Variants in PPARA observed in about 807,000 individuals in gnomAD.
PPARA encodes peroxisome proliferator-activated receptor alpha.
Under a neutral mutation model 42.2 loss-of-function variants are expected in PPARA, and 22 were observed. The ratio of observed to expected loss-of-function variants is 0.52; its 90% CI spans 0.37 to 0.74. PPARA has a LOEUF of 0.74. Among genes scored for constraint, PPARA ranks in the 30% least tolerant of loss-of-function variants. PPARA has a pLI of 0.00. For synonymous variants in PPARA, 242 were observed against 239.3 expected (o/e 1.01, Z -0.10); for missense variants, 465 against 608.2 (o/e 0.76, Z 2.48).
rs1287551449 is a variant in PPARA, at chr22:46,242,010, TA to T, written c.*6631del. On this transcript the variant is annotated 3_prime_UTR_variant, in exon 9 of 9. Transcript: ENST00000407236. The surrounding 1 kb of genome is among the most constrained non-coding windows in gnomAD (Gnocchi z 6.1). ...AGGGGGGTCAGCTTTTATTTTATTT[TA>T]TTTTTTTTAAGTTTGCTAGTTGGGT... 1 of 152,104 alleles carries T rather than the reference TA, an allele frequency of 6.6e-6. No homozygotes were observed. The highest frequency in any genetic ancestry group is 2.4e-5 in the African/African-American group (1 of 41,402). 9.4% of individuals were successfully genotyped at this position (152,104 alleles called of 1,614,324 possible). A position where few individuals can be genotyped will look rare whatever the true frequency, so the allele number is the denominator to read the frequency against.
chr22:46,189,371 A>T (rs915684388), intron 3 of PPARA, among the ~76,000 whole-genome samples: 4 of 152,238 alleles, frequency 2.6e-5, no homozygotes, highest in Admixed American at 2.6e-4. Context: ...ACCTTTGAAG[A>T]TAAAGGTAGG....
Position 46,185,894 on chromosome 22 carries a change from C to CAAAAAAAAAAAA in PPARA, c.-43+9058_-43+9059insAAAAAAAAAAAA, listed in dbSNP as rs1279499029. On this transcript the variant is annotated intron_variant, in intron 3 of 8. Transcript: ENST00000407236. ...TGGGTGACAAAGTGAGACTCCGTCT[C>CAAAAAAAAAAAA]CAAAAAAAAAAAAAAAAAAAAAATA... is the stretch of plus-strand genomic sequence containing the variant. Among the ~76,000 whole-genome samples, 11 of 20,852 alleles carry CAAAAAAAAAAAA rather than the reference C, an allele frequency of 5.3e-4. 2 individuals are homozygous for CAAAAAAAAAAAA. Among genetic ancestry groups the CAAAAAAAAAAAA allele is most frequent in the African/African-American group, 1.6e-3 (6 of 3,674 alleles). The allele number at this position is 20,852 out of a possible 152,430, so 13.7% of individuals were successfully genotyped here.
Position 46,212,164 on chromosome 22 carries a change from C to A in PPARA, c.209-3009C>A, listed in dbSNP as rs1328005849. 6.6e-6 allele frequency among the ~76,000 whole-genome samples: 1 copy of A among 152,122 alleles called. No individual in the cohort carries two copies. Among genetic ancestry groups the A allele is most frequent in the African/African-American group, 2.4e-5 (1 of 41,420 alleles). ...TCAGCCTCCCAGGGCTCAGGTGATC[C>A]TCCCACCTCAGCCTCCCAAGTAGCT... On this transcript the variant is annotated intron_variant, in intron 4 of 8. Transcript: ENST00000407236. The surrounding 1 kb of genome is among the most constrained non-coding windows in gnomAD (Gnocchi z 4.2).
chr22:46,214,513 G>T (rs546514907), intron 4 of PPARA, among the ~76,000 whole-genome samples: 1 of 144,416 alleles, frequency 6.9e-6, no homozygotes, highest in South Asian at 2.3e-4. Flanking sequence ...GAAATGTGCA[G>T]AGCGGAGATG....
Position 46,221,936 on chromosome 22 carries a change from G to A in PPARA, c.711+1922G>A, listed in dbSNP as rs1935039767. On this transcript the variant is annotated intron_variant, in intron 7 of 8. Transcript: ENST00000407236. This position sits in a 1 kb window ranked among gnomAD's most constrained non-coding sequence, Gnocchi z 5.9. ...ATTAAAAATACAAAAAATTAGCTGG[G>A]CATGGTAGCGGTTGCCTGTAATCCC... Among the ~76,000 whole-genome samples the A allele has an allele frequency of 2.0e-5, 3 of 152,032 alleles. No homozygotes were observed. The highest frequency in any genetic ancestry group is 4.4e-5 in the Non-Finnish European group (3 of 68,024).
At chr22:46,197,236 G>A (rs1932368012) in intron 3 of PPARA, among the ~76,000 whole-genome samples, 1 of 151,794 alleles carries the variant, frequency 6.6e-6, no homozygotes, top group Non-Finnish European at 1.5e-5. Flanking sequence ...TTTTAGTAGA[G>A]ATGGGGTTTT....
chr22:46,181,943 A>G (rs1930030888), intron 3 of PPARA, among the ~76,000 whole-genome samples: 1 of 152,258 alleles, frequency 6.6e-6, no homozygotes, highest in South Asian at 2.1e-4. Flanking sequence ...GGATCAAGTG[A>G]TTCTCCTGCC....
chr22:46,182,445 A>G lies in PPARA; in HGVS notation c.-43+5609A>G, dbSNP rs920344056. Among the ~76,000 whole-genome samples, 1 of 152,204 alleles carries G rather than the reference A, an allele frequency of 6.6e-6. No individual in the cohort carries two copies. The highest frequency in any genetic ancestry group is 2.4e-5 in the African/African-American group (1 of 41,450). On this transcript the variant is annotated intron_variant, in intron 3 of 8. Coordinates refer to ENST00000407236, the MANE Select transcript of PPARA (RefSeq NM_005036.6). This position sits in a 1 kb window ranked among gnomAD's most constrained non-coding sequence, Gnocchi z 5.2. ...CTGAAATAATTGTGCTGAGTAAAAG[A>G]AGACAGGAAAAATAAGTATAATACA...
chr22:46,181,051 G>T (rs1367847666), intron 3 of PPARA, among the ~76,000 whole-genome samples: 2 of 151,468 alleles, frequency 1.3e-5, no homozygotes, highest in Non-Finnish European at 2.9e-5. Flanking sequence ...ACAGGGTTTT[G>T]CCATGTTGCC....
intron 4 of PPARA, among the ~76,000 whole-genome samples, chr22:46,199,837 C>G (rs1932769821): frequency 6.6e-6 from 1 of 152,164 alleles, no homozygotes; most frequent in African/African-American, 2.4e-5. Flanking sequence ...GTTCTCCTGC[C>G]TCAGCCTCCC....
In PPARA at chr22:46,161,881, G is replaced by A. The variant is rs1926233041; in HGVS notation, c.-127+9911G>A. On this transcript the variant is annotated intron_variant, in intron 2 of 8. Transcript: ENST00000407236. This position sits in a 1 kb window ranked among gnomAD's most constrained non-coding sequence, Gnocchi z 4.8. ...CCCCTCTGGCTCCACGAGGCCCCCT[G>A]TACGTCACCATCACCTTTGTGAGCT... Among the ~76,000 whole-genome samples, 1 of 152,064 alleles carries A rather than the reference G, an allele frequency of 6.6e-6. No individual in the cohort carries two copies. The highest frequency in any genetic ancestry group is 6.5e-5 in the Admixed American group (1 of 15,268).
In PPARA at chr22:46,231,216, G is replaced by T. The variant is rs535298497; in HGVS notation, c.712-576G>T. Reference sequence around the variant, plus strand: ...GGGTTACAGGCACACACTATGCCTGGCTAATTTTTTTTTTTTTTTTGAGAC... The same window carrying T: ...GGGTTACAGGCACACACTATGCCTGTCTAATTTTTTTTTTTTTTTTGAGAC... On this transcript the variant is annotated intron_variant, in intron 7 of 8. Transcript: ENST00000407236. This position sits in a 1 kb window ranked among gnomAD's most constrained non-coding sequence, Gnocchi z 7.7. Among the ~76,000 whole-genome samples, 28 of 146,478 alleles carry T rather than the reference G, an allele frequency of 1.9e-4. No individual in the cohort carries two copies. In the East Asian group the frequency reaches 4.9e-3, roughly 26 times the overall value.
At position 46,233,183 on chromosome 22, in the gene PPARA, T is replaced by C. The variant is rs565463759; in HGVS notation, c.1159+944T>C. Among the ~76,000 whole-genome samples the C allele has an allele frequency of 3.3e-5, 5 of 152,228 alleles. No individual in the cohort carries two copies. In the South Asian group the frequency reaches 6.2e-4, roughly 19 times the overall value. ...ATAGTTGCTGTCACAGTTGGTTATG[T>C]TGATGAAAAGTATATTTCCTAATGC... On this transcript the variant is annotated intron_variant, in intron 8 of 8. Coordinates refer to ENST00000407236, the MANE Select transcript of PPARA (RefSeq NM_005036.6). This position sits in a 1 kb window ranked among gnomAD's most constrained non-coding sequence, Gnocchi z 7.3.
At chr22:46,170,773 A>C (rs1381785434) in intron 2 of PPARA, among the ~76,000 whole-genome samples, 1 of 151,778 alleles carries the variant, frequency 6.6e-6, no homozygotes, top group African/African-American at 2.4e-5. Flanking sequence ...CTTCCCCTGG[A>C]GGGATCCTGA....
intron 2 of PPARA, among the ~76,000 whole-genome samples, chr22:46,158,135 G>A (rs539745215): frequency 1.3e-5 from 2 of 152,218 alleles, no homozygotes; most frequent in South Asian, 2.1e-4. Context: ...GAGGCCAGGC[G>A]TGGAGGCTCA....
rs182297270 is a variant in PPARA at position 46,231,138 on chromosome 22, C to T, written c.712-654C>T. 8.5e-5 allele frequency among the ~76,000 whole-genome samples: 13 copies of T among 152,068 alleles called. 2 individuals are homozygous for T. In the East Asian group the frequency reaches 1.7e-3, roughly 20 times the overall value. ...GTGGCACGATCTTGGCTCACTGCAA[C>T]GTCCACCTCCCAGGTTCAAGCGATT... On this transcript the variant is annotated intron_variant, in intron 7 of 8. Transcript: ENST00000407236. This position sits in a 1 kb window ranked among gnomAD's most constrained non-coding sequence, Gnocchi z 7.7.
rs766349409 is a variant in PPARA at position 46,233,671 on chromosome 22, CTATT to C, written c.1159+1436_1159+1439del. 4.6e-5 allele frequency among the ~76,000 whole-genome samples: 7 copies of C among 152,142 alleles called. No homozygotes were observed. Among genetic ancestry groups the C allele is most frequent in the Admixed American group, 6.5e-5 (1 of 15,270 alleles). ...TTGTGGGTAAAATGCAGTTGCAGAA[CTATT>C]TATATGTAGCATGATCACAGTTTTA... On this transcript the variant is annotated intron_variant, in intron 8 of 8. Transcript: ENST00000407236. This position sits in a 1 kb window ranked among gnomAD's most constrained non-coding sequence, Gnocchi z 7.3.
chr22:46,241,903 T>G lies in PPARA; in HGVS notation c.*6523T>G. 7.9e-6 allele frequency: 1 copy of G among 127,250 alleles called. No individual in the cohort carries two copies. Among genetic ancestry groups the G allele is most frequent in the African/African-American group, 3.6e-5 (1 of 27,616 alleles). 7.9% of individuals were successfully genotyped at this position (127,250 alleles called of 1,614,324 possible). Reference sequence around the variant, plus strand: ...CTTGAGTGGTCTCATGGCTGTTAGATGGATTATTTGAAAAAAAAAAAAAAA... The same window carrying G: ...CTTGAGTGGTCTCATGGCTGTTAGAGGGATTATTTGAAAAAAAAAAAAAAA... On this transcript the variant is annotated 3_prime_UTR_variant, in exon 9 of 9. Transcript: ENST00000407236. The surrounding 1 kb of genome is among the most constrained non-coding windows in gnomAD (Gnocchi z 5.7).
intron 2 of PPARA, among the ~76,000 whole-genome samples, chr22:46,166,626 A>C (rs1397735587): frequency 1.3e-5 from 2 of 151,890 alleles, no homozygotes; most frequent in Non-Finnish European, 2.9e-5. Context: ...CTCAAAAAAA[A>C]AAAAACAAAA....
Sources: allele counts gnomAD v4.1 joint callset (sites outside exome capture counted in the v4.1 genomes callset), GRCh38; gene constraint gnomAD v4.1.1; non-coding constraint Gnocchi (gnomAD v3.1); transcripts MANE v1.5; gene names NCBI Gene and HGNC (gene_info 2026-07-23, HGNC 2026-07-21).